Variants in ACACB observed in about 807,000 individuals in gnomAD.
ACACB encodes acetyl-CoA carboxylase beta.
ACACB carries 209 observed loss-of-function variants against 278.8 expected under a neutral mutation model. That is an observed-to-expected ratio of 0.75 (90% CI 0.67 to 0.84). The LOEUF (loss-of-function observed/expected upper bound fraction) is 0.84, where lower values mean the gene tolerates loss of function less well. ACACB is among the 40% of genes least tolerant of loss of function. The pLI is 0.00. For missense variants in ACACB, 2,850 were observed against 3,269.0 expected (o/e 0.87, Z 3.13); for synonymous variants, 1,174 against 1,285.6 (o/e 0.91, Z 1.86).
chr12:109,194,984 G>A (rs909373602), intron 16 of ACACB, among the ~76,000 whole-genome samples: 1 of 152,060 alleles, frequency 6.6e-6, no homozygotes, highest in African/African-American at 2.4e-5. Context: ...GAGTCCCTGG[G>A]GCTTATTCCG....
At chr12:109,135,786 A>G (rs1204445137) in intron 1 of ACACB, among the ~76,000 whole-genome samples, 4 of 149,140 alleles carry the variant, frequency 2.7e-5, no homozygotes, top group Admixed American at 6.8e-5. Flanking sequence ...TTCCAGCACC[A>G]TGTGGTGTTA....
intron 2 of ACACB, among the ~76,000 whole-genome samples, chr12:109,159,338 A>G (rs2043646415): frequency 6.6e-6 from 1 of 152,164 alleles, no homozygotes; most frequent in African/African-American, 2.4e-5. Flanking sequence ...TTTATAGAAG[A>G]AAAGAGAGGG....
chr12:109,117,047 CTTTTT>C (rs71747045), intron 1 of ACACB, among the ~76,000 whole-genome samples: 2 of 109,098 alleles, frequency 1.8e-5, no homozygotes, highest in African/African-American at 3.5e-5. Flanking sequence ...AATGGTTGTT[CTTTTT>C]TTTTTTTTTT....
At chr12:109,204,553 G>A (rs1403164178) in intron 19 of ACACB, among the ~76,000 whole-genome samples, 6 of 151,724 alleles carry the variant, frequency 4.0e-5, no homozygotes, top group Non-Finnish European at 8.8e-5. Context: ...GGGATTACAG[G>A]TGTGAGCCAC....
intron 13 of ACACB, among the ~76,000 whole-genome samples, chr12:109,189,997 G>A (rs2044808960): frequency 6.6e-6 from 1 of 152,108 alleles, no homozygotes; most frequent in Non-Finnish European, 1.5e-5. Context: ...TGTAATCCCA[G>A]CTACTCGGGA....
At chr12:109,183,989 T>A (rs2044566145) in intron 11 of ACACB, among the ~76,000 whole-genome samples, 1 of 152,120 alleles carries the variant, frequency 6.6e-6, no homozygotes, top group Admixed American at 6.6e-5. Context: ...TGCATATAGA[T>A]CCATCAGTTG....
chr12:109,234,075 G>C (rs754070350), intron 31 of ACACB, 30 bp downstream of exon 31: 2 of 1,547,960 alleles, frequency 1.3e-6, no homozygotes, highest in South Asian at 2.3e-5. Flanking sequence ...GGTTTTGGTG[G>C]GGGTTCTTGG....
In ACACB at chr12:109,264,212, G is replaced by A. The variant is rs1276044724; in HGVS notation, c.6788-20G>A. ...ATGACCAGCTTCCATGGCTTGACTG[G>A]CCTTTCTGCTCACCTGCAGGGGAAC... On this transcript the variant is annotated intron_variant, in intron 49 of 52. Transcript: ENST00000338432. 1 of 1,612,516 alleles carries A rather than the reference G, an allele frequency of 6.2e-7. No individual in the cohort carries two copies. The highest frequency in any genetic ancestry group is 8.5e-7 in the Non-Finnish European group (1 of 1,178,858).
Position 109,199,869 on chromosome 12 carries a change from C to T in ACACB, c.2778+317C>T, listed in dbSNP as rs572064736. Among the ~76,000 whole-genome samples the T allele has an allele frequency of 1.0e-3, 153 of 151,650 alleles. 1 individual carries two copies. The highest frequency in any genetic ancestry group is 1.7e-3 in the Non-Finnish European group (115 of 67,948). ...TCTACTAAAAATACAAAAAATTAGCCGGGCATGGTGGCAGGCGCCTGTAGT... is the reference window on the plus strand; with the variant it reads ...TCTACTAAAAATACAAAAAATTAGCTGGGCATGGTGGCAGGCGCCTGTAGT... On this transcript the variant is annotated intron_variant, in intron 18 of 52. Coordinates refer to ENST00000338432, the MANE Select transcript of ACACB (RefSeq NM_001093.4).
intron 13 of ACACB, among the ~76,000 whole-genome samples, chr12:109,188,935 T>C (rs1016385346): frequency 6.6e-6 from 1 of 152,170 alleles, no homozygotes; most frequent in African/African-American, 2.4e-5. Flanking sequence ...GAAGACTAAA[T>C]TTTAAGGAGT....
rs1006760199 is a variant in ACACB, at chr12:109,188,254, C to T, written c.2144+92C>T. 5.4e-4 allele frequency: 706 copies of T among 1,314,100 alleles called. 2 individuals carry two copies. The highest frequency in any genetic ancestry group is 6.5e-4 in the Non-Finnish European group (623 of 954,556). The allele number at this position is 1,314,100 out of a possible 1,614,324, so 81.4% of individuals were successfully genotyped here. A position where few individuals can be genotyped will look rare whatever the true frequency, so the allele number is the denominator to read the frequency against. On this transcript the variant is annotated intron_variant, in intron 13 of 52. Coordinates refer to ENST00000338432, the MANE Select transcript of ACACB (RefSeq NM_001093.4). Reference sequence around the variant, plus strand: ...CCTTCCCTCTCTCCCTTCTTCCCCTCTTCCTTCCCTCTTTCTCCTCCCTTC... The same window carrying T: ...CCTTCCCTCTCTCCCTTCTTCCCCTTTTCCTTCCCTCTTTCTCCTCCCTTC...
At chr12:109,127,600 A>C (rs2042712280) in intron 1 of ACACB, among the ~76,000 whole-genome samples, 1 of 151,580 alleles carries the variant, frequency 6.6e-6, no homozygotes, top group South Asian at 2.1e-4. Context: ...ATTCGCCTAA[A>C]AAAAAAAAAA....
intron 38 of ACACB, 132 bp from the exon 39 acceptor site, chr12:109,246,047 A>G (rs764124690): frequency 1.3e-5 from 14 of 1,099,400 alleles, no homozygotes; most frequent in Non-Finnish European, 1.8e-5. Context: ...CTGTGATTGC[A>G]CCACTGCACT....
intron 13 of ACACB, among the ~76,000 whole-genome samples, chr12:109,188,629 A>G (rs1239840825): frequency 6.6e-6 from 1 of 151,934 alleles, no homozygotes; most frequent in Non-Finnish European, 1.5e-5. Context: ...GCATTTCAGG[A>G]GACCAAGAAA....
intron 2 of ACACB, among the ~76,000 whole-genome samples, chr12:109,163,487 GA>G (rs1390175299): frequency 6.6e-6 from 1 of 152,006 alleles, no homozygotes; most frequent in Admixed American, 6.6e-5. Context: ...ATGAGGCTGA[GA>G]AAAATCAACC....
intron 16 of ACACB, among the ~76,000 whole-genome samples, chr12:109,196,721 C>T (rs1382088171): frequency 2.0e-5 from 3 of 152,198 alleles, no homozygotes; most frequent in Non-Finnish European, 4.4e-5. Flanking sequence ...AGAAGGGAGT[C>T]TCTAGCCCCA....
At chr12:109,155,132 G>C (rs773080902) in intron 2 of ACACB, among the ~76,000 whole-genome samples, 10 of 152,180 alleles carry the variant, frequency 6.6e-5, no homozygotes, top group Non-Finnish European at 1.2e-4. Flanking sequence ...GCCTTGGCGG[G>C]AGGGGAGGAA....
At chr12:109,172,086 G>GT (rs1161042077) in intron 5 of ACACB, among the ~76,000 whole-genome samples, 172 bp downstream of exon 5, 1 of 152,164 alleles carries the variant, frequency 6.6e-6, no homozygotes, top group Non-Finnish European at 1.5e-5. Flanking sequence ...AGCACATTCT[G>GT]TTTTTAAAAA....
intron 2 of ACACB, among the ~76,000 whole-genome samples, chr12:109,141,413 CA>C (rs2043122002): frequency 6.6e-6 from 1 of 152,210 alleles, no homozygotes. Context: ...TCTCCTCTGC[CA>C]TCCCCAAATT....
Sources: gnomAD v4.1 joint callset for allele counts (sites outside exome capture counted in the v4.1 genomes callset) on GRCh38, gnomAD v4.1.1 for gene constraint, MANE v1.5 for transcripts, NCBI Gene and HGNC (gene_info 2026-07-23, HGNC 2026-07-21) for gene names.